Variants in NEBL observed in about 807,000 individuals in gnomAD.
NEBL encodes LIM and SH3 protein 2.
In NEBL, 122 loss-of-function variants were observed where a neutral mutation model predicts 140.2. That is an observed-to-expected ratio of 0.87 (90% CI 0.75 to 1.01). NEBL has a LOEUF of 1.01. NEBL is among the 50% of genes least tolerant of loss of function. NEBL has a pLI of 0.00. For synonymous variants in NEBL, 436 were observed against 398.9 expected (o/e 1.09, Z -1.11); for missense variants, 1,365 against 1,231.3 (o/e 1.11, Z -1.62).
chr10:21,229,509 T>C (rs1842217388), intron 3 of NEBL, among the ~76,000 whole-genome samples: 1 of 152,242 alleles, frequency 6.6e-6, no homozygotes, highest in South Asian at 2.1e-4. Flanking sequence ...GTCATTTCTC[T>C]GAATCTCAGA....
At chr10:21,036,987 G>C (rs590767) in intron 2 of NEBL, among the ~76,000 whole-genome samples, 131,733 of 152,098 alleles carry the variant, frequency 0.87, 57,105 homozygotes, top group East Asian at 0.99. Context: ...GTTCTCCACC[G>C]TAGCTGTTCC....
At chr10:20,930,130 C>T (rs1274988058) in intron 4 of NEBL, among the ~76,000 whole-genome samples, 1 of 152,134 alleles carries the variant, frequency 6.6e-6, no homozygotes, top group East Asian at 1.9e-4. Context: ...CGGCCACCTC[C>T]ATTTAGATGT....
intron 4 of NEBL, among the ~76,000 whole-genome samples, chr10:20,956,786 G>C (rs917476177): frequency 6.6e-6 from 1 of 152,020 alleles, no homozygotes; most frequent in East Asian, 1.9e-4. Context: ...AAAAAAGTTT[G>C]CTAAATATAA....
intron 9 of NEBL, among the ~76,000 whole-genome samples, chr10:20,857,464 T>C (rs1339120567): frequency 6.6e-6 from 1 of 152,194 alleles, no homozygotes; most frequent in Non-Finnish European, 1.5e-5. Flanking sequence ...TTATGATTAA[T>C]TTTGAGCAAG....
chr10:21,203,035 TA>T (rs1486960778), intron 3 of NEBL, among the ~76,000 whole-genome samples: 1 of 152,244 alleles, frequency 6.6e-6, no homozygotes, highest in African/African-American at 2.4e-5. Flanking sequence ...CATAGTCATT[TA>T]GGAAACTTAA....
chr10:21,096,625 T>C (rs1837200143), intron 2 of NEBL, among the ~76,000 whole-genome samples: 2 of 151,928 alleles, frequency 1.3e-5, no homozygotes, highest in African/African-American at 4.8e-5. Flanking sequence ...GCAACCCTCC[T>C]GCCTCAGTTT....
intron 3 of NEBL, among the ~76,000 whole-genome samples, chr10:20,986,812 GAAAAA>G (rs1837274412): frequency 6.6e-6 from 1 of 152,124 alleles, no homozygotes; most frequent in South Asian, 2.1e-4. Context: ...ACTGACAATA[GAAAAA>G]CATACTCTCT....
intron 3 of NEBL, among the ~76,000 whole-genome samples, chr10:21,202,572 C>T (rs1177581940): frequency 6.6e-6 from 1 of 150,402 alleles, no homozygotes; most frequent in Non-Finnish European, 1.5e-5. Flanking sequence ...ACGCCATTCT[C>T]CTGCCTCAGC....
At chr10:21,043,442 G>A (rs1834358053) in intron 2 of NEBL, among the ~76,000 whole-genome samples, 1 of 152,160 alleles carries the variant, frequency 6.6e-6, no homozygotes, top group African/African-American at 2.4e-5. Context: ...TTCCTTGAAT[G>A]CTAAACTTTC....
intron 7 of NEBL, among the ~76,000 whole-genome samples, chr10:20,861,014 T>C (rs1843643622): frequency 6.6e-6 from 1 of 152,196 alleles, no homozygotes; most frequent in Non-Finnish European, 1.5e-5. Context: ...CCTTACAAAC[T>C]GATTTTAAGT....
chr10:21,146,163 G>A (rs1002523048), intron 2 of NEBL, among the ~76,000 whole-genome samples: 1 of 152,140 alleles, frequency 6.6e-6, no homozygotes, highest in Non-Finnish European at 1.5e-5. Flanking sequence ...TACAGAACAG[G>A]CCTGCGTCGC....
chr10:21,263,403 C>T (rs781406822), intron 1 of NEBL, among the ~76,000 whole-genome samples: 6 of 150,496 alleles, frequency 4.0e-5, no homozygotes, highest in East Asian at 3.9e-4. Context: ...GGAAAGGGGG[C>T]GGGGGGTTGA....
At chr10:21,000,159 AG>A (rs962941281) in intron 3 of NEBL, among the ~76,000 whole-genome samples, 9 of 121,362 alleles carry the variant, frequency 7.4e-5, no homozygotes, top group African/African-American at 2.9e-4. Flanking sequence ...AGCCAGGCAG[AG>A]GGGGGCAGAG....
intron 26 of NEBL, among the ~76,000 whole-genome samples, chr10:20,802,125 A>T (rs192708916): frequency 6.6e-6 from 1 of 152,358 alleles, no homozygotes; most frequent in Admixed American, 6.5e-5. Flanking sequence ...GGTAAACACC[A>T]GGTGAGATTG....
At chr10:21,257,623 C>G (rs980887022) in intron 1 of NEBL, among the ~76,000 whole-genome samples, 1 of 152,176 alleles carries the variant, frequency 6.6e-6, no homozygotes, top group African/African-American at 2.4e-5. Flanking sequence ...TGGTGGCTCA[C>G]GCCTGTAATC....
At chr10:21,186,299 C>T (rs1841470685) in intron 3 of NEBL, among the ~76,000 whole-genome samples, 2 of 150,266 alleles carry the variant, frequency 1.3e-5, no homozygotes, top group South Asian at 2.1e-4. Context: ...CACACACACA[C>T]ATTCCCCCCC....
intron 2 of NEBL, among the ~76,000 whole-genome samples, chr10:21,092,214 T>A (rs1340728541): frequency 1.3e-5 from 2 of 152,188 alleles, no homozygotes; most frequent in Non-Finnish European, 2.9e-5. Context: ...GGATACATGT[T>A]CTACGGGTGT....
intron 3 of NEBL, among the ~76,000 whole-genome samples, chr10:20,965,750 G>A (rs1003872483): frequency 4.6e-5 from 7 of 152,162 alleles, no homozygotes; most frequent in Non-Finnish European, 8.8e-5. Flanking sequence ...AGAAGCCCAG[G>A]TAGAGTCAGG....
rs553908815 is a variant in NEBL at position 21,005,639 on chromosome 10, T to C, written c.249+14478A>G. Among the ~76,000 whole-genome samples the C allele has an allele frequency of 2.8e-4, 42 of 152,194 alleles. 2 individuals are homozygous for C. The South Asian group carries it at 7.7e-3, about 28-fold the overall frequency. Reference sequence around the variant, plus strand: ...ATCCCCGCTACTCGGGAGGCTCAGGTGGGAGGACCACTTGAGCCCAGGAAG... The same window carrying C: ...ATCCCCGCTACTCGGGAGGCTCAGGCGGGAGGACCACTTGAGCCCAGGAAG... On this transcript the variant is annotated intron_variant, in intron 3 of 6. Transcript: ENST00000417816.
Sources: gnomAD v4.1 joint callset for allele counts (sites outside exome capture counted in the v4.1 genomes callset) on GRCh38, gnomAD v4.1.1 for gene constraint, MANE v1.5 for transcripts, NCBI Gene and HGNC (gene_info 2026-07-23, HGNC 2026-07-21) for gene names.